PIEZO2: variants seen among roughly 807,000 people sequenced by gnomAD.
The protein encoded by PIEZO2 is piezo-type mechanosensitive ion channel component 2.
PIEZO2 carries 172 observed loss-of-function variants against 337.3 expected under a neutral mutation model. That is an observed-to-expected ratio of 0.51 (90% confidence interval 0.45 to 0.58). The LOEUF is 0.58. Among genes scored for constraint, PIEZO2 ranks in the 20% least tolerant of loss-of-function variants. PIEZO2 has a pLI of 0.00. For synonymous variants in PIEZO2, 1,251 were observed against 1,228.5 expected, an observed-to-expected ratio of 1.02 and a Z score of -0.38; for missense variants, 3,028 against 3,391.3, an observed-to-expected ratio of 0.89 and a Z score of 2.66.
chr18:10,742,319 C>CA (rs2037257364), intron 32 of PIEZO2, among the ~76,000 whole-genome samples, 175 bp downstream of exon 32: 1 of 152,204 alleles, frequency 6.6e-6, no homozygotes, highest in Admixed American at 6.5e-5. Context: ...CAAATACATA[C>CA]TTTATGAAAC....
rs1244352082 is a variant in PIEZO2, at chr18:10,853,537, G to A, written c.917+1816C>T. On this transcript the variant is annotated intron_variant, in intron 7 of 55. Transcript: ENST00000674853. The surrounding 1 kb of genome is among the most constrained non-coding windows in gnomAD (Gnocchi z 4.2). ...TGTCAGTAACATACTTTGGTGCTGC[G>A]AGACTCAGATGTGTTTCACTGCTAA... Among the ~76,000 whole-genome samples the A allele has an allele frequency of 6.6e-6, 1 of 152,170 alleles. No homozygotes were observed. The highest frequency in any genetic ancestry group is 1.5e-5 in the Non-Finnish European group (1 of 68,032).
intron 2 of PIEZO2, among the ~76,000 whole-genome samples, chr18:11,064,213 G>A (rs1364760628): frequency 6.6e-6 from 1 of 152,172 alleles, no homozygotes; most frequent in Non-Finnish European, 1.5e-5. Context: ...AGAAAAAAAT[G>A]TGATATCCTT....
chr18:10,762,687 A>G, intron 22 of PIEZO2, 62 bp from the exon 23 acceptor site: 3 of 1,508,198 alleles, frequency 2.0e-6, no homozygotes, highest in Non-Finnish European at 1.8e-6. Context: ...AGCTCAGGTT[A>G]TTTCTTCTTC....
At chr18:10,931,340 C>T (rs1432765494) in intron 3 of PIEZO2, among the ~76,000 whole-genome samples, 3 of 152,148 alleles carry the variant, frequency 2.0e-5, no homozygotes, top group Non-Finnish European at 4.4e-5. Context: ...GCTGGGACTA[C>T]AGGCGCCTGC....
chr18:10,722,810 T>G (rs560755849), intron 36 of PIEZO2, among the ~76,000 whole-genome samples: 37 of 152,138 alleles, frequency 2.4e-4, no homozygotes, highest in Admixed American at 2.3e-3. Flanking sequence ...TGAACATAAA[T>G]GAAGAAGTTT....
Position 10,704,210 on chromosome 18 carries a change from G to GT in PIEZO2, c.6258+183dup, listed in dbSNP as rs11432499. The GT allele has an allele frequency of 0.23, 183,304 of 787,352 alleles. 21,788 individuals carry two copies. The highest frequency in any genetic ancestry group is 0.28 in the South Asian group (14,723 of 53,166). The allele number at this position is 787,352 out of a possible 1,614,324, so 48.8% of individuals were successfully genotyped here. A position where few individuals can be genotyped will look rare whatever the true frequency, so the allele number is the denominator to read the frequency against. Reference sequence around the variant, plus strand: ...TGTGAAAAGATTTTTAGAATTGCGAGTGCTAGGTAACTGTTGCTGCTGACG... The same window carrying GT: ...TGTGAAAAGATTTTTAGAATTGCGAGTTGCTAGGTAACTGTTGCTGCTGACG... On this transcript the variant is annotated intron_variant, in intron 42 of 55. Transcript: ENST00000674853.
chr18:11,053,895 A>T (rs1264039244), intron 2 of PIEZO2, among the ~76,000 whole-genome samples: 1 of 152,030 alleles, frequency 6.6e-6, no homozygotes, highest in Non-Finnish European at 1.5e-5. Context: ...GTGGTGGTGC[A>T]TCCCTGTAAT....
chr18:10,787,658 T>G (rs181740449), intron 15 of PIEZO2, among the ~76,000 whole-genome samples: 2 of 152,366 alleles, frequency 1.3e-5, no homozygotes, highest in East Asian at 3.9e-4. Context: ...AAGCTGTGGA[T>G]ATTCATTAGA....
chr18:10,868,206 G>T (rs2042054397), intron 5 of PIEZO2, among the ~76,000 whole-genome samples: 1 of 152,186 alleles, frequency 6.6e-6, no homozygotes, highest in Non-Finnish European at 1.5e-5. Flanking sequence ...GATTAATCCT[G>T]CCATTTCTCC....
intron 2 of PIEZO2, among the ~76,000 whole-genome samples, chr18:11,053,814 G>A (rs2584729): frequency 0.14 from 21,797 of 151,898 alleles, 1,951 homozygotes; most frequent in African/African-American, 0.25. Context: ...TCAGGAGTTC[G>A]AGACCAGCCT....
Position 10,952,878 on chromosome 18 carries a change from C to T in PIEZO2, c.286+26657G>A, listed in dbSNP as rs976500453. Among the ~76,000 whole-genome samples, 34 of 115,216 alleles carry T rather than the reference C, an allele frequency of 3.0e-4. No individual in the cohort carries two copies. The highest frequency in any genetic ancestry group is 5.9e-4 in the Non-Finnish European group (28 of 47,828). 75.6% of individuals were successfully genotyped at this position (115,216 alleles called of 152,430 possible). A position where few individuals can be genotyped will look rare whatever the true frequency, so the allele number is the denominator to read the frequency against. ...TTGGAATGCCTTCCCTTCCTTCCTT[C>T]CTTCCTTTCATCCCTCCCTCCATCC... On this transcript the variant is annotated intron_variant, in intron 3 of 55. Transcript: ENST00000674853. This position sits in a 1 kb window ranked among gnomAD's most constrained non-coding sequence, Gnocchi z 4.1.
At chr18:10,804,297 G>A (rs1030346957) in intron 8 of PIEZO2, among the ~76,000 whole-genome samples, 1 of 152,206 alleles carries the variant, frequency 6.6e-6, no homozygotes, top group Non-Finnish European at 1.5e-5. Context: ...AAGCAGAGAT[G>A]CACATGGCTC....
intron 4 of PIEZO2, among the ~76,000 whole-genome samples, 161 bp downstream of exon 4, chr18:10,911,025 G>A (rs1290190340): frequency 6.6e-6 from 1 of 150,846 alleles, no homozygotes; most frequent in Non-Finnish European, 1.5e-5. Flanking sequence ...GCTCTACAAA[G>A]AAACTGAGGC....
At position 11,032,371 on chromosome 18, in the gene PIEZO2, A is replaced by T. The variant is rs547588128; in HGVS notation, c.160+33756T>A. Among the ~76,000 whole-genome samples, 3 of 152,320 alleles carry T rather than the reference A, an allele frequency of 2.0e-5. No homozygotes were observed. The South Asian group carries it at 6.2e-4, about 32-fold the overall frequency. ...CATTCATTTCCGTGTCTGCAGACAG[A>T]AGGTAATGGCATCTCTCCATTATAT... On this transcript the variant is annotated intron_variant, in intron 2 of 55. Transcript: ENST00000674853. This position sits in a 1 kb window ranked among gnomAD's most constrained non-coding sequence, Gnocchi z 4.9.
chr18:10,915,428 C>A (rs1232115055), intron 3 of PIEZO2, among the ~76,000 whole-genome samples: 1 of 151,724 alleles, frequency 6.6e-6, no homozygotes, highest in Non-Finnish European at 1.5e-5. Context: ...TCTCAAAGAG[C>A]ACTCAAGATA....
At chr18:10,674,298 A>G (rs1285920936) in intron 54 of PIEZO2, among the ~76,000 whole-genome samples, 2 of 152,268 alleles carry the variant, frequency 1.3e-5, no homozygotes, top group Non-Finnish European at 2.9e-5. Flanking sequence ...ATGGGAAATT[A>G]CTGATTGTTG....
At chr18:11,026,368 A>G (rs778287432) in intron 2 of PIEZO2, among the ~76,000 whole-genome samples, 11 of 152,084 alleles carry the variant, frequency 7.2e-5, no homozygotes, top group East Asian at 1.9e-4. Context: ...CCCTGCCTCA[A>G]TCTCATCCAC....
intron 1 of PIEZO2, among the ~76,000 whole-genome samples, chr18:11,086,210 G>T (rs879076097): frequency 3.3e-5 from 5 of 152,068 alleles, no homozygotes; most frequent in Admixed American, 3.3e-4. Flanking sequence ...CTAATGATAC[G>T]AAAATTCGAC....
chr18:10,951,936 T>G (rs2033314561), intron 3 of PIEZO2, among the ~76,000 whole-genome samples: 1 of 152,206 alleles, frequency 6.6e-6, no homozygotes, highest in African/African-American at 2.4e-5. Context: ...TATGAAGAAT[T>G]TATCACTGCC....
Sources: allele counts gnomAD v4.1 joint callset (sites outside exome capture counted in the v4.1 genomes callset), GRCh38; gene constraint gnomAD v4.1.1; non-coding constraint Gnocchi (gnomAD v3.1); transcripts MANE v1.5; gene names NCBI Gene and HGNC (gene_info 2026-07-23, HGNC 2026-07-21).